Variants in MACROD2 observed in about 807,000 individuals in gnomAD.
The protein encoded by MACROD2 is mono-ADP ribosylhydrolase 2.
Under a neutral mutation model 70.4 loss-of-function variants are expected in MACROD2, and 36 were observed. The observed-to-expected ratio is 0.51, with a 90% CI of 0.39 to 0.68. The LOEUF is 0.68. Among genes scored for constraint, MACROD2 ranks in the 30% least tolerant of loss-of-function variants. The pLI is 0.00. For missense variants in MACROD2, 496 were observed against 538.4 expected (o/e 0.92, Z 0.78); for synonymous variants, 172 against 178.8 (o/e 0.96, Z 0.30).
chr20:16,024,938 C>T (rs2067056913), intron 15 of MACROD2, among the ~76,000 whole-genome samples: 1 of 150,872 alleles, frequency 6.6e-6, no homozygotes, highest in Non-Finnish European at 1.5e-5. Context: ...CTGGTCTAGG[C>T]TTTTTGTTTG....
chr20:14,986,795 TC>T (rs1479560475), intron 5 of MACROD2, among the ~76,000 whole-genome samples: 3 of 152,128 alleles, frequency 2.0e-5, no homozygotes, highest in Non-Finnish European at 4.4e-5. Flanking sequence ...TCGCCTTCTC[TC>T]CCCGTCACCT....
intron 5 of MACROD2, among the ~76,000 whole-genome samples, chr20:14,712,807 T>A (rs1015355992): frequency 6.6e-6 from 1 of 152,126 alleles, no homozygotes; most frequent in Admixed American, 6.6e-5. Flanking sequence ...AATAGGAGGA[T>A]TAATGGCTCA....
chr20:14,815,866 A>G (rs959699371), intron 5 of MACROD2, among the ~76,000 whole-genome samples: 3 of 152,042 alleles, frequency 2.0e-5, no homozygotes, highest in Admixed American at 6.6e-5. Flanking sequence ...GCCATCTACA[A>G]CCATATTTTA....
chr20:14,155,159 C>G (rs1443385027), intron 3 of MACROD2, among the ~76,000 whole-genome samples: 5 of 152,100 alleles, frequency 3.3e-5, no homozygotes, highest in Non-Finnish European at 5.9e-5. Flanking sequence ...TATATACACA[C>G]ATATATATAA....
intron 4 of MACROD2, among the ~76,000 whole-genome samples, chr20:14,609,280 A>AAATTGAGC (rs1235065509): frequency 6.6e-6 from 1 of 152,150 alleles, no homozygotes; most frequent in Non-Finnish European, 1.5e-5. Context: ...TCAAAATACA[A>AAATTGAGC]AATTGAGCTG....
chr20:15,213,272 C>T (rs6131650), intron 5 of MACROD2, among the ~76,000 whole-genome samples: 1 of 152,110 alleles, frequency 6.6e-6, no homozygotes, highest in Non-Finnish European at 1.5e-5. Context: ...AACCCACGTC[C>T]TTACTTGTCT....
At chr20:14,763,437 T>C (rs1393114743) in intron 5 of MACROD2, among the ~76,000 whole-genome samples, 1 of 152,102 alleles carries the variant, frequency 6.6e-6, no homozygotes, top group Non-Finnish European at 1.5e-5. Context: ...ATTTTCTTTT[T>C]AGAAAAGTTT....
intron 6 of MACROD2, among the ~76,000 whole-genome samples, chr20:15,391,030 A>C (rs1438542810): frequency 1.3e-5 from 2 of 152,272 alleles, no homozygotes; most frequent in Non-Finnish European, 2.9e-5. Flanking sequence ...ACTTCATCAA[A>C]ACAGAGAAAC....
Position 14,157,242 on chromosome 20 carries a change from T to C in MACROD2, c.271+71514T>C, listed in dbSNP as rs144858128. The stretch of plus-strand genomic sequence containing the variant: ...TCTTTCATGAATGCCACCTCCTTTT[T>C]TTCTCTTTCATCCTCTTTTTCAAAA... On this transcript the variant is annotated intron_variant, in intron 3 of 17. Coordinates refer to ENST00000684519, the MANE Select transcript of MACROD2 (RefSeq NM_001351661.2). 7.9e-4 allele frequency among the ~76,000 whole-genome samples: 120 copies of C among 152,256 alleles called. 1 individual carries two copies. The East Asian group carries it at 0.013, about 16-fold the overall frequency.
intron 8 of MACROD2, among the ~76,000 whole-genome samples, chr20:15,557,769 C>A (rs1420309293): frequency 1.3e-5 from 2 of 152,172 alleles, no homozygotes; most frequent in Non-Finnish European, 2.9e-5. Context: ...TAATTTGGTG[C>A]AGCTGTTAGA....
intron 6 of MACROD2, among the ~76,000 whole-genome samples, chr20:15,235,650 G>A (rs1309976143): frequency 6.6e-6 from 1 of 152,174 alleles, no homozygotes; most frequent in Admixed American, 6.5e-5. Context: ...CCTTCTGAGA[G>A]GGTTGCCATG....
chr20:15,166,046 G>C (rs546643280), intron 5 of MACROD2, among the ~76,000 whole-genome samples: 1 of 152,092 alleles, frequency 6.6e-6, no homozygotes, highest in Non-Finnish European at 1.5e-5. Context: ...TATAAACGAC[G>C]TATCCAAAGC....
rs1275557502 is a variant in MACROD2, at chr20:14,883,704, T to A, written c.418+198745T>A. On this transcript the variant is annotated intron_variant, in intron 5 of 17. Coordinates refer to ENST00000684519, the MANE Select transcript of MACROD2 (RefSeq NM_001351661.2). ...TGTCCCCTGACATGAAGCTCTGATA[T>A]TGATCTGGAGCCTTATTGATCTCCA... Among the ~76,000 whole-genome samples the A allele has an allele frequency of 9.8e-5, 15 of 152,290 alleles. No individual in the cohort carries two copies. In the South Asian group the frequency reaches 1.2e-3, roughly 13 times the overall value.
intron 5 of MACROD2, among the ~76,000 whole-genome samples, chr20:15,093,034 G>T (rs377954): frequency 0.45 from 68,893 of 151,942 alleles, 18,274 homozygotes; most frequent in Non-Finnish European, 0.6. Flanking sequence ...GTACTTACAT[G>T]TGCAATACTA....
At chr20:15,463,883 C>T (rs2046850736) in intron 7 of MACROD2, among the ~76,000 whole-genome samples, 1 of 152,196 alleles carries the variant, frequency 6.6e-6, no homozygotes, top group Non-Finnish European at 1.5e-5. Context: ...GCACCTTGTT[C>T]TTGATCCTAC....
chr20:15,135,961 A>G (rs895105820), intron 5 of MACROD2, among the ~76,000 whole-genome samples: 1 of 150,562 alleles, frequency 6.6e-6, no homozygotes, highest in African/African-American at 2.4e-5. Flanking sequence ...CCCATTCACA[A>G]TTGCTTCAAA....
intron 6 of MACROD2, among the ~76,000 whole-genome samples, chr20:15,405,108 A>AGTG (rs1257062213): frequency 1.3e-5 from 2 of 152,278 alleles, no homozygotes; most frequent in East Asian, 3.9e-4. Flanking sequence ...AATGTGTATT[A>AGTG]GTGGTTGTCA....
intron 3 of MACROD2, among the ~76,000 whole-genome samples, chr20:14,256,585 A>G (rs1038955949): frequency 6.6e-6 from 1 of 152,158 alleles, no homozygotes; most frequent in East Asian, 1.9e-4. Flanking sequence ...CCTTAATGCC[A>G]TCAAAACTTG....
At position 15,801,739 on chromosome 20, in the gene MACROD2, A is replaced by G. The variant is rs111368926; in HGVS notation, c.646-61006A>G. 6.1e-4 allele frequency among the ~76,000 whole-genome samples: 93 copies of G among 152,238 alleles called. 2 individuals carry two copies. The highest frequency in any genetic ancestry group is 1.8e-3 in the African/African-American group (76 of 41,524). On this transcript the variant is annotated intron_variant, in intron 8 of 17. Transcript: ENST00000684519. ...CTTTTGGTCTATTTCTGTGAAAAAT[A>G]TCATTGGCATTTTGATAAGCATTGC...
Sources: allele counts gnomAD v4.1 joint callset (sites outside exome capture counted in the v4.1 genomes callset), GRCh38; gene constraint gnomAD v4.1.1; transcripts MANE v1.5; gene names NCBI Gene and HGNC (gene_info 2026-07-23, HGNC 2026-07-21).